Variants in DPP10 observed in about 807,000 individuals in gnomAD.
The protein encoded by DPP10 is dipeptidyl peptidase like 10, also known as inactive dipeptidyl peptidase 10.
A neutral mutation model predicts 120.9 loss-of-function variants in DPP10; 33 were observed. That is an observed-to-expected ratio of 0.27 (90% CI 0.21 to 0.37). The LOEUF (loss-of-function observed/expected upper bound fraction) is 0.37. Among genes scored for constraint, DPP10 ranks in the 10% least tolerant of loss-of-function variants. The pLI, the probability that DPP10 is intolerant of heterozygous loss-of-function variation, is 1.00. For synonymous variants in DPP10, 337 were observed against 326.1 expected, an observed-to-expected ratio of 1.03 and a Z score of -0.36; for missense variants, 816 against 942.8, an observed-to-expected ratio of 0.87 and a Z score of 1.76.
chr2:114,449,494 AC>A (rs1438621364), intron 1 of DPP10, among the ~76,000 whole-genome samples: 1 of 148,802 alleles, frequency 6.7e-6, no homozygotes, highest in African/African-American at 2.5e-5. Flanking sequence ...TATAGTTACC[AC>A]TGGGAAGAAA....
chr2:115,592,370 G>A (rs2082713657), intron 5 of DPP10, among the ~76,000 whole-genome samples: 1 of 151,936 alleles, frequency 6.6e-6, no homozygotes, highest in African/African-American at 2.4e-5. Context: ...GATGGTAAAT[G>A]TTTCCTTTTA....
At chr2:115,194,254 C>T (rs557534480) in intron 1 of DPP10, among the ~76,000 whole-genome samples, 58 of 151,892 alleles carry the variant, frequency 3.8e-4, no homozygotes, top group Non-Finnish European at 6.2e-4. Context: ...GACGGAGCTT[C>T]GCTCTTGTTG....
At chr2:115,280,800 A>G (rs2060127985) in intron 1 of DPP10, among the ~76,000 whole-genome samples, 1 of 152,202 alleles carries the variant, frequency 6.6e-6, no homozygotes, top group East Asian at 1.9e-4. Context: ...GAAGGGTCAT[A>G]TGAGGGAATG....
intron 1 of DPP10, among the ~76,000 whole-genome samples, chr2:114,836,830 G>A (rs1006004495): frequency 2.0e-5 from 3 of 152,292 alleles, no homozygotes; most frequent in Admixed American, 1.3e-4. Context: ...CCACCTCAGT[G>A]ATGCATTCTC....
intron 3 of DPP10, 25 bp from the exon 4 acceptor site, chr2:115,499,485 A>G (rs1490179320): frequency 6.3e-6 from 10 of 1,578,588 alleles, no homozygotes; most frequent in Non-Finnish European, 8.7e-6. Flanking sequence ...GTATTTGTCA[A>G]TTGTGAATGT....
chr2:114,852,452 T>C (rs1193883044), intron 1 of DPP10, among the ~76,000 whole-genome samples: 1 of 152,146 alleles, frequency 6.6e-6, no homozygotes, highest in Non-Finnish European at 1.5e-5. Flanking sequence ...TTTCTTGTCA[T>C]TATTCTCTAA....
intron 15 of DPP10, among the ~76,000 whole-genome samples, chr2:115,780,401 C>G (rs901228404): frequency 6.6e-6 from 1 of 151,726 alleles, no homozygotes; most frequent in Admixed American, 6.6e-5. Flanking sequence ...ATACCAAATT[C>G]TAATGTTTAG....
chr2:115,812,041 C>T (rs1686702345), intron 19 of DPP10, among the ~76,000 whole-genome samples: 3 of 152,220 alleles, frequency 2.0e-5, no homozygotes, highest in South Asian at 2.1e-4. Flanking sequence ...TTTCAAATGC[C>T]TTATGCCATT....
At chr2:114,556,473 T>C (rs1402955224) in intron 1 of DPP10, among the ~76,000 whole-genome samples, 1 of 151,646 alleles carries the variant, frequency 6.6e-6, no homozygotes, top group East Asian at 1.9e-4. Context: ...ACTTTGTGGG[T>C]AGTGAAGAGG....
intron 21 of DPP10, among the ~76,000 whole-genome samples, chr2:115,823,410 A>AT (rs1688003416): frequency 6.6e-6 from 1 of 152,050 alleles, no homozygotes. Flanking sequence ...ATGGGCTTTT[A>AT]TTTTTTGTCA....
intron 1 of DPP10, among the ~76,000 whole-genome samples, chr2:114,889,602 A>G (rs181145885): frequency 1.3e-5 from 2 of 152,176 alleles, no homozygotes; most frequent in East Asian, 3.9e-4. Context: ...TTTGTTGGGT[A>G]GTTTCATAAG....
At chr2:115,400,955 T>C (rs920214022) in intron 3 of DPP10, among the ~76,000 whole-genome samples, 2 of 152,092 alleles carry the variant, frequency 1.3e-5, no homozygotes, top group Non-Finnish European at 2.9e-5. Flanking sequence ...CAGCTAAAAG[T>C]GAGTACTTAG....
intron 1 of DPP10, among the ~76,000 whole-genome samples, chr2:114,675,950 C>A (rs1483204338): frequency 1.3e-5 from 2 of 151,996 alleles, no homozygotes; most frequent in African/African-American, 2.4e-5. Context: ...CAAGTGTGCA[C>A]CACCATGCCT....
chr2:115,365,900 TA>T (rs1293440670), intron 3 of DPP10, among the ~76,000 whole-genome samples: 5 of 152,208 alleles, frequency 3.3e-5, no homozygotes, highest in African/African-American at 1.2e-4. Flanking sequence ...GTGACAGAGC[TA>T]GATTTAACAT....
chr2:114,673,923 T>C (rs1444105326), intron 1 of DPP10, among the ~76,000 whole-genome samples: 1 of 152,172 alleles, frequency 6.6e-6, no homozygotes, highest in Admixed American at 6.6e-5. Flanking sequence ...ATTTCTTGAA[T>C]CTGTTACTTT....
At chr2:115,123,143 A>G (rs1254439658) in intron 1 of DPP10, among the ~76,000 whole-genome samples, 5 of 152,180 alleles carry the variant, frequency 3.3e-5, no homozygotes, top group African/African-American at 9.7e-5. Context: ...GGAGGAAAGA[A>G]TTTAGCCAAG....
intron 1 of DPP10, among the ~76,000 whole-genome samples, chr2:114,896,851 A>G (rs1397800148): frequency 6.6e-6 from 1 of 152,194 alleles, no homozygotes; most frequent in Non-Finnish European, 1.5e-5. Flanking sequence ...TTGCCCATTC[A>G]GTATGATATT....
At chr2:114,655,129 C>A (rs78438129) in intron 1 of DPP10, among the ~76,000 whole-genome samples, 16,544 of 152,084 alleles carry the variant, frequency 0.11, 1,331 homozygotes, top group Admixed American at 0.24. Flanking sequence ...TGGATAACAA[C>A]GACACAGCAT....
intron 3 of DPP10, among the ~76,000 whole-genome samples, chr2:115,350,413 A>C (rs950706395): frequency 1.3e-5 from 2 of 152,094 alleles, no homozygotes; most frequent in South Asian, 2.1e-4. Context: ...AATTTTCAAC[A>C]GGCATTCTGC....
Sources: allele counts gnomAD v4.1 joint callset (sites outside exome capture counted in the v4.1 genomes callset), GRCh38; gene constraint gnomAD v4.1.1; transcripts MANE v1.5; gene names NCBI Gene and HGNC (gene_info 2026-07-23, HGNC 2026-07-21).